The following NAV3 variants were observed in gnomAD, a reference collection of about 807,000 sequenced individuals.
The protein encoded by NAV3 is neuron navigator 3, also known as pore membrane and/or filament interacting like protein 1.
A neutral mutation model predicts 244.7 loss-of-function variants in NAV3; 87 were observed. The ratio of observed to expected loss-of-function variants is 0.36; its 90% CI spans 0.30 to 0.42. NAV3 has a LOEUF of 0.42. Among genes scored for constraint, NAV3 ranks in the 20% least tolerant of loss-of-function variants. The pLI, the probability that NAV3 is intolerant of heterozygous loss-of-function variation, is 1.00. For missense variants in NAV3, 2,663 were observed against 2,893.3 expected (o/e 0.92, Z 1.83); for synonymous variants, 1,126 against 1,042.2 (o/e 1.08, Z -1.55).
At chr12:77,639,687 T>C (rs1205341910) in intron 2 of NAV3, among the ~76,000 whole-genome samples, 1 of 152,158 alleles carries the variant, frequency 6.6e-6, no homozygotes, top group Non-Finnish European at 1.5e-5. Context: ...AAAGGGAAGC[T>C]GGTGTAAGAA....
intron 2 of NAV3, among the ~76,000 whole-genome samples, chr12:77,796,098 C>G (rs1871396130): frequency 6.6e-6 from 1 of 152,050 alleles, no homozygotes; most frequent in Admixed American, 6.6e-5. Flanking sequence ...AAGGATATAG[C>G]TGCTATGGAT....
intron 25 of NAV3, 34 bp downstream of exon 25, chr12:78,175,461 T>C: frequency 6.3e-7 from 1 of 1,598,982 alleles, no homozygotes; most frequent in Non-Finnish European, 8.5e-7. Flanking sequence ...TTCAGAAGCT[T>C]ATTAATGCAT....
At chr12:77,969,500 A>G (rs989904970) in intron 5 of NAV3, among the ~76,000 whole-genome samples, 2 of 152,168 alleles carry the variant, frequency 1.3e-5, no homozygotes, top group Non-Finnish European at 2.9e-5. Flanking sequence ...TTGAAATTGC[A>G]GTACGCAGGT....
intron 34 of NAV3, among the ~76,000 whole-genome samples, chr12:78,191,566 A>G (rs1958983400): frequency 6.6e-6 from 1 of 152,190 alleles, no homozygotes; most frequent in Non-Finnish European, 1.5e-5. Flanking sequence ...CAATACATAA[A>G]TTCTGAATAT....
chr12:78,006,632 G>T lies in NAV3; in HGVS notation c.1094G>T (p.Arg365Ile), dbSNP rs2136563379. Residue 365 changes from arginine (R) to isoleucine (I), a missense_variant, in exon 8 of 40, where the codon AGA becomes ATA. By Grantham distance (97) the Arg-to-Ile change is moderately conservative. This residue lies in a region of NAV3 where 1,521 missense variants were observed against 1,497.0 expected (regional missense o/e 1.02). Coordinates refer to ENST00000397909, the MANE Select transcript of NAV3 (RefSeq NM_001024383.2). ...ACCTCCCCCACACCATCTTCAGACA[G>T]ACTGAAGCCACCTGTCTCAGAAGGG... ...TATSPTPSSD[R>I]LKPPVSEGVK... 3 of 1,614,126 alleles carry T rather than the reference G, an allele frequency of 1.9e-6. No homozygotes were observed. In the South Asian group the frequency reaches 3.3e-5, roughly 18 times the overall value.
intron 12 of NAV3, among the ~76,000 whole-genome samples, chr12:78,080,019 T>C (rs1488665899): frequency 6.6e-6 from 1 of 152,252 alleles, no homozygotes; most frequent in Non-Finnish European, 1.5e-5. Context: ...ATTTTGTCTA[T>C]ATTTTAATAT....
chr12:77,758,228 T>A (rs530566615), intron 2 of NAV3, among the ~76,000 whole-genome samples: 42 of 152,322 alleles, frequency 2.8e-4, no homozygotes, highest in African/African-American at 9.9e-4. Context: ...TGGATATACT[T>A]TTTTCCTGTT....
chr12:77,974,652 T>C (rs1448706216), intron 5 of NAV3, among the ~76,000 whole-genome samples: 1 of 152,156 alleles, frequency 6.6e-6, no homozygotes, highest in African/African-American at 2.4e-5. Flanking sequence ...AACATCTTGC[T>C]ATATTGGTTA....
At chr12:78,090,992 G>A (rs977307961) in intron 12 of NAV3, among the ~76,000 whole-genome samples, 10 of 142,764 alleles carry the variant, frequency 7.0e-5, no homozygotes, top group African/African-American at 2.1e-4. Flanking sequence ...GTGTGTGTGT[G>A]TGTGTGTGAA....
intron 2 of NAV3, among the ~76,000 whole-genome samples, chr12:77,731,541 G>A (rs1260550459): frequency 6.6e-6 from 1 of 151,884 alleles, no homozygotes; most frequent in Non-Finnish European, 1.5e-5. Context: ...ATTCTAGCCA[G>A]GGTATAAAAA....
chr12:77,778,486 C>A (rs1308266968), intron 2 of NAV3, among the ~76,000 whole-genome samples: 1 of 151,536 alleles, frequency 6.6e-6, no homozygotes, highest in African/African-American at 2.4e-5. Context: ...GTGGCGGGTG[C>A]CTGTATTCCC....
At chr12:77,692,067 T>C (rs1459477317) in intron 2 of NAV3, among the ~76,000 whole-genome samples, 5 of 152,166 alleles carry the variant, frequency 3.3e-5, no homozygotes, top group Non-Finnish European at 7.4e-5. Context: ...TAAAGGTTTC[T>C]CTAGTGATTC....
At chr12:77,830,075 G>T (rs773960132), upstream of NAV3, among the ~76,000 whole-genome samples, 1 of 152,124 alleles carries the variant, frequency 6.6e-6, no homozygotes, top group Admixed American at 6.5e-5. Flanking sequence ...TACATTAGAT[G>T]TTTTCTTAAA....
Position 78,210,724 on chromosome 12 carries a change from A to AT in NAV3, c.*213dup, listed in dbSNP as rs529588439. 1.5e-3 allele frequency: 862 copies of AT among 579,774 alleles called. 23 individuals are homozygous for AT. The South Asian group carries it at 0.018, about 12-fold the overall frequency. The allele number at this position is 579,774 out of a possible 1,614,324, so 35.9% of individuals were successfully genotyped here. A position where few individuals can be genotyped will look rare whatever the true frequency, so the allele number is the denominator to read the frequency against. ...GCTTAACTTTAGTTTATTTCTAAGC[A>AT]TTTTTTATATCTGTGGAGTAATAGA... is the stretch of plus-strand genomic sequence containing the variant. On this transcript the variant is annotated 3_prime_UTR_variant, in exon 40 of 40. Coordinates refer to ENST00000397909, the MANE Select transcript of NAV3 (RefSeq NM_001024383.2).
chr12:77,900,547 A>G (rs1326965548), intron 1 of NAV3, among the ~76,000 whole-genome samples: 1 of 151,908 alleles, frequency 6.6e-6, no homozygotes, highest in Non-Finnish European at 1.5e-5. Flanking sequence ...ATAGTATTCC[A>G]TGGCGTGTGC....
intron 1 of NAV3, among the ~76,000 whole-genome samples, chr12:77,847,455 T>G (rs542203734): frequency 1.3e-5 from 2 of 152,248 alleles, no homozygotes; most frequent in South Asian, 4.1e-4. Context: ...TTATGTATGA[T>G]CTATGTGAAT....
chr12:77,665,956 T>C (rs1873695150), intron 2 of NAV3, among the ~76,000 whole-genome samples: 1 of 152,214 alleles, frequency 6.6e-6, no homozygotes, highest in Non-Finnish European at 1.5e-5. Flanking sequence ...CTTTAATTCA[T>C]TTACTCAAAA....
chr12:77,724,017 T>C (rs1876765582), intron 2 of NAV3, among the ~76,000 whole-genome samples: 2 of 151,886 alleles, frequency 1.3e-5, no homozygotes, highest in South Asian at 2.1e-4. Context: ...AAATAAATTA[T>C]TACTTTTCTA....
intron 2 of NAV3, among the ~76,000 whole-genome samples, chr12:77,778,683 G>A (rs1197442876): frequency 6.7e-6 from 1 of 149,480 alleles, no homozygotes; most frequent in Non-Finnish European, 1.5e-5. Context: ...TTTTAATAAA[G>A]CAAGAGCTTT....
Sources: allele counts gnomAD v4.1 joint callset (sites outside exome capture counted in the v4.1 genomes callset), GRCh38; gene constraint gnomAD v4.1.1; regional missense constraint gnomAD v4.1.1; transcripts MANE v1.5; gene names NCBI Gene and HGNC (gene_info 2026-07-23, HGNC 2026-07-21).